The following FMN2 variants were observed in gnomAD, a reference collection of about 807,000 sequenced individuals.
The protein encoded by FMN2 is formin-2.
A neutral mutation model predicts 142.3 loss-of-function variants in FMN2; 51 were observed. That is an observed-to-expected ratio of 0.36 (90% confidence interval 0.29 to 0.45). FMN2 has a LOEUF of 0.45. FMN2 is among the 20% of genes least tolerant of loss of function. The probability of loss-of-function intolerance (pLI) is 1.00; values close to 1 mark genes in which losing one functional copy is unlikely to be tolerated. For synonymous variants in FMN2, 882 were observed against 869.8 expected, an observed-to-expected ratio of 1.01 and a Z score of -0.25; for missense variants, 1,936 against 2,122.8, an observed-to-expected ratio of 0.91 and a Z score of 1.73.
intron 15 of FMN2, among the ~76,000 whole-genome samples, chr1:240,431,877 GTT>G (rs757768209): frequency 7.0e-6 from 1 of 141,884 alleles, no homozygotes. Flanking sequence ...TTTTATTAAG[GTT>G]TTTTTTTTTG....
At chr1:240,291,747 C>CTT (rs139379597) in intron 7 of FMN2, among the ~76,000 whole-genome samples, 12,915 of 151,598 alleles carry the variant, frequency 0.085, 714 homozygotes, top group South Asian at 0.15. Flanking sequence ...TTTTGTTTTT[C>CTT]TTTTTTTTGG....
intron 9 of FMN2, 21 bp from the exon 10 acceptor site, chr1:240,329,318 A>G: frequency 6.2e-7 from 1 of 1,608,290 alleles, no homozygotes; most frequent in South Asian, 1.1e-5. Context: ...TTTTCTTCTT[A>G]ACTTGGCTTT....
chr1:240,344,629 T>G (rs561960163), intron 13 of FMN2, among the ~76,000 whole-genome samples: 2 of 152,248 alleles, frequency 1.3e-5, no homozygotes, highest in Non-Finnish European at 2.9e-5. Context: ...GAGAAGAAAA[T>G]TTTTCAAATC....
chr1:240,112,433 C>T (rs1022614498), intron 1 of FMN2, among the ~76,000 whole-genome samples: 2 of 152,022 alleles, frequency 1.3e-5, no homozygotes, highest in Admixed American at 1.3e-4. Context: ...TCTGGACAGG[C>T]CTGCATTTTC....
At position 240,092,145 on chromosome 1, in the gene FMN2, A is replaced by T. The variant is rs1294591478; in HGVS notation, c.36A>T (p.Ala12=). The T allele has an allele frequency of 8.9e-6, 14 of 1,566,380 alleles. No individual in the cohort carries two copies. The highest frequency in any genetic ancestry group is 1.2e-5 in the Non-Finnish European group (14 of 1,156,024). ...AGGATGGGAAGCTGAAGAGGAGCGCAGGTGATGCTTTGCACGAAGGCGGCG... is the reference window on the plus strand; with the variant it reads ...AGGATGGGAAGCTGAAGAGGAGCGCTGGTGATGCTTTGCACGAAGGCGGCG... ...GNQDGKLKRS[A]GDALHEGGGG... is the part of the protein sequence containing the mutation. Residue 12 remains alanine (A), a synonymous_variant, in exon 1 of 18, where the codon GCA becomes GCT. Transcript: ENST00000319653.
Position 240,206,802 on chromosome 1 carries a change from G to A in FMN2, c.1990G>A (p.Val664Ile). The change falls in exon 5 of 18, where the codon GTT becomes ATT. Residue 664 changes from valine to isoleucine, a missense_variant. Physicochemically the swap from Val to Ile is conservative, Grantham distance 29. Around this residue, in one of 8 missense-constraint regions of FMN2, gnomAD observed 478 missense variants for 462.8 expected, o/e 1.03. Transcript: ENST00000319653. The part of the protein sequence containing the change: ...QKRSDAVQKE[V>I]VDMKSEGQAT... Reference sequence around the variant, plus strand: ...GTCTGTCCTTGTCGCCCTTCAGGAAGTTGTTGACATGAAGTCTGAGGGACA... The same window carrying A: ...GTCTGTCCTTGTCGCCCTTCAGGAAATTGTTGACATGAAGTCTGAGGGACA... 1 of 1,604,062 alleles carries A rather than the reference G, an allele frequency of 6.2e-7. No homozygotes were observed. Among genetic ancestry groups the A allele is most frequent in the Non-Finnish European group, 8.5e-7 (1 of 1,171,880 alleles).
chr1:240,259,856 G>A (rs191972371), intron 7 of FMN2, among the ~76,000 whole-genome samples: 20 of 152,240 alleles, frequency 1.3e-4, no homozygotes, highest in Non-Finnish European at 2.6e-4. Flanking sequence ...CATCACCCAA[G>A]CAGTATACAC....
At chr1:240,323,667 G>A (rs926657502) in intron 8 of FMN2, among the ~76,000 whole-genome samples, 3 of 152,044 alleles carry the variant, frequency 2.0e-5, no homozygotes, top group East Asian at 1.9e-4. Context: ...CTTCCCTTCC[G>A]TTGTTGTTCC....
At chr1:240,458,506 A>G (rs1676328122) in intron 16 of FMN2, 1 of 152,252 alleles carries the variant, frequency 6.6e-6, no homozygotes, top group Non-Finnish European at 1.5e-5. Flanking sequence ...AATGATCCAT[A>G]CACATCATCC....
intron 1 of FMN2, among the ~76,000 whole-genome samples, chr1:240,106,726 C>CCAT (rs1661623355): frequency 1.3e-5 from 2 of 151,256 alleles, no homozygotes. Context: ...GCTCTTGTTG[C>CCAT]TAGGCTGGAG....
chr1:240,296,267 G>T (rs542725527), intron 8 of FMN2, among the ~76,000 whole-genome samples: 1 of 149,714 alleles, frequency 6.7e-6, no homozygotes, highest in African/African-American at 2.5e-5. Flanking sequence ...ACCATAGCAC[G>T]ATATAGTCAG....
intron 13 of FMN2, chr1:240,341,281 TC>T: frequency 6.6e-6 from 1 of 152,340 alleles, no homozygotes; most frequent in African/African-American, 2.4e-5. Context: ...TATATTAAAG[TC>T]CTTTTCAGCT....
At chr1:240,330,540 G>A (rs1322821110) in intron 10 of FMN2, 63 bp from the exon 11 acceptor site, 21 of 1,555,030 alleles carry the variant, frequency 1.4e-5, no homozygotes, top group East Asian at 2.3e-5. Context: ...GCATCAACTC[G>A]ATGATTCAAA....
chr1:240,379,355 G>C (rs1038215587), intron 14 of FMN2, among the ~76,000 whole-genome samples: 1 of 152,072 alleles, frequency 6.6e-6, no homozygotes, highest in African/African-American at 2.4e-5. Context: ...TTCTTTGCTT[G>C]TACTTGTATA....
intron 2 of FMN2, among the ~76,000 whole-genome samples, chr1:240,153,021 T>A (rs962850353): frequency 6.6e-6 from 1 of 152,208 alleles, no homozygotes; most frequent in Non-Finnish European, 1.5e-5. Flanking sequence ...TTGGTGAGGA[T>A]CAGATAAAAT....
intron 4 of FMN2, among the ~76,000 whole-genome samples, chr1:240,189,120 T>TG: frequency 6.6e-6 from 1 of 151,004 alleles, no homozygotes; most frequent in African/African-American, 2.4e-5. Context: ...CCAAATTTTG[T>TG]GGGTTTTTTT....
intron 15 of FMN2, among the ~76,000 whole-genome samples, chr1:240,406,021 C>T (rs1572273756): frequency 1.4e-5 from 2 of 141,580 alleles, no homozygotes; most frequent in Non-Finnish European, 3.0e-5. Context: ...GTGGGGGAAG[C>T]GAAGGGAAGC....
At chr1:240,302,063 AT>A (rs1355628123) in intron 8 of FMN2, among the ~76,000 whole-genome samples, 2 of 151,096 alleles carry the variant, frequency 1.3e-5, no homozygotes, top group African/African-American at 4.9e-5. Context: ...ATTTTCCATC[AT>A]TTTTTTCTTT....
chr1:240,207,895 C>T lies in FMN2; in HGVS notation c.3083C>T (p.Ala1028Val), dbSNP rs111629917. 2 of 638,758 alleles carry T rather than the reference C, an allele frequency of 3.1e-6. No homozygotes were observed. Among genetic ancestry groups the T allele is most frequent in the Non-Finnish European group, 4.6e-6 (2 of 437,870 alleles). The allele number at this position is 638,758 out of a possible 1,614,324, so 39.6% of individuals were successfully genotyped here. Residue 1028 changes from alanine (A) to valine (V), a missense_variant, in exon 5 of 18, where the codon GCG becomes GTG. Physicochemically the swap from Ala to Val is moderately conservative, Grantham distance 64. Transcript: ENST00000319653. ...CCTCCTCCACCCCCTCTACCCGGAG[C>T]GGGCATACCCCCTCCGCCCCCACTT... Reference protein sequence around the residue: ...GIPPPPPLPGAGIPPPPPLPG... With the variant: ...GIPPPPPLPGVGIPPPPPLPG...
Sources: allele counts gnomAD v4.1 joint callset (sites outside exome capture counted in the v4.1 genomes callset), GRCh38; gene constraint gnomAD v4.1.1; regional missense constraint gnomAD v4.1.1; transcripts MANE v1.5; gene names NCBI Gene and HGNC (gene_info 2026-07-23, HGNC 2026-07-21).